The following CPNE8 variants were observed in gnomAD, a reference collection of about 807,000 sequenced individuals.
The protein encoded by CPNE8 is copine 8, also known as copine-8.
CPNE8 carries 45 observed loss-of-function variants against 81.5 expected under a neutral mutation model. The observed-to-expected ratio is 0.55, with a 90% CI of 0.44 to 0.71. The LOEUF is 0.71. Among genes scored for constraint, CPNE8 ranks in the 30% least tolerant of loss-of-function variants. The pLI, the probability that CPNE8 is intolerant of heterozygous loss-of-function variation, is 0.00. For missense variants in CPNE8, 594 were observed against 672.1 expected, an observed-to-expected ratio of 0.88 and a Z score of 1.28; for synonymous variants, 252 against 226.3, an observed-to-expected ratio of 1.11 and a Z score of -1.02.
chr12:38,666,588 A>G (rs1156300717), intron 19 of CPNE8, among the ~76,000 whole-genome samples: 1 of 152,174 alleles, frequency 6.6e-6, no homozygotes, highest in East Asian at 1.9e-4. Context: ...GAGGAAGAGT[A>G]TTCCAGGTAA....
At chr12:38,720,246 G>C (rs1940525422) in intron 13 of CPNE8, among the ~76,000 whole-genome samples, 1 of 152,194 alleles carries the variant, frequency 6.6e-6, no homozygotes, top group Non-Finnish European at 1.5e-5. Flanking sequence ...GTAAGCAACA[G>C]AAAAATATGA....
Position 38,654,077 on chromosome 12 carries a change from CAG to C in CPNE8, c.1507-9_1507-8del. The C allele has an allele frequency of 6.3e-7, 1 of 1,578,836 alleles. No homozygotes were observed. The highest frequency in any genetic ancestry group is 8.6e-7 in the Non-Finnish European group (1 of 1,162,554). ...AATCCCTGAATGGCACAAACTAAAA[CAG>C]AGACGAAAGAAAGTTATTTCACAGA... is the stretch of plus-strand genomic sequence containing the variant. On this transcript the variant is annotated splice_polypyrimidine_tract_variant and splice_region_variant and intron_variant, in intron 19 of 19. Coordinates refer to ENST00000331366, the MANE Select transcript of CPNE8 (RefSeq NM_153634.3).
At chr12:38,777,684 T>C (rs568654046) in intron 6 of CPNE8, among the ~76,000 whole-genome samples, 2 of 152,330 alleles carry the variant, frequency 1.3e-5, no homozygotes, top group South Asian at 4.1e-4. Context: ...ATGTTACAAT[T>C]ACCTGTTCAG....
At chr12:38,727,464 T>G (rs1940730356) in intron 11 of CPNE8, among the ~76,000 whole-genome samples, 1 of 152,180 alleles carries the variant, frequency 6.6e-6, no homozygotes, top group South Asian at 2.1e-4. Flanking sequence ...TATTTACAAT[T>G]AACATGTGTC....
At chr12:38,894,210 G>C (rs1944353565) in intron 1 of CPNE8, among the ~76,000 whole-genome samples, 1 of 152,124 alleles carries the variant, frequency 6.6e-6, no homozygotes. Flanking sequence ...AAGGAAGCAA[G>C]ATGCCATATA....
At chr12:38,864,124 C>A (rs553659272) in intron 3 of CPNE8, among the ~76,000 whole-genome samples, 2 of 151,400 alleles carry the variant, frequency 1.3e-5, no homozygotes, top group South Asian at 4.2e-4. Flanking sequence ...ATACAGGAGG[C>A]CCCTGTCAGT....
rs1941588905 is a variant in CPNE8 at position 38,762,254 on chromosome 12, A to C, written c.576-38T>G. ...AGTTTTCAGTTATTTGCATGCTTTG[A>C]CTATTTTAATTGATCTATTGTTTTA... On this transcript the variant is annotated intron_variant, in intron 8 of 19. Transcript: ENST00000331366. 3 of 1,235,306 alleles carry C rather than the reference A, an allele frequency of 2.4e-6. No individual in the cohort carries two copies. The African/African-American group carries it at 4.5e-5, about 19-fold the overall frequency. 76.5% of individuals were successfully genotyped at this position (1,235,306 alleles called of 1,614,324 possible). A position where few individuals can be genotyped will look rare whatever the true frequency, so the allele number is the denominator to read the frequency against.
intron 1 of CPNE8, among the ~76,000 whole-genome samples, chr12:38,892,970 T>C (rs1944335693): frequency 6.6e-6 from 1 of 151,920 alleles, no homozygotes; most frequent in South Asian, 2.1e-4. Context: ...AAATAGCAAG[T>C]AGTTGGTGTT....
chr12:38,902,090 A>AT (rs1803714222), intron 1 of CPNE8, among the ~76,000 whole-genome samples: 4 of 151,820 alleles, frequency 2.6e-5, no homozygotes, highest in South Asian at 4.2e-4. Context: ...CAAAATGAAG[A>AT]TAAAAACTTT....
At chr12:38,699,608 T>C (rs943595446) in intron 14 of CPNE8, among the ~76,000 whole-genome samples, 1 of 152,074 alleles carries the variant, frequency 6.6e-6, no homozygotes, top group African/African-American at 2.4e-5. Flanking sequence ...CATTCTTACC[T>C]TTTGGTGGCT....
At chr12:38,706,679 T>C (rs1308386630) in intron 13 of CPNE8, among the ~76,000 whole-genome samples, 1 of 152,210 alleles carries the variant, frequency 6.6e-6, no homozygotes, top group Non-Finnish European at 1.5e-5. Flanking sequence ...AGAAGTCCAG[T>C]CTTTGGTTCA....
At chr12:38,823,822 A>C (rs1943146987) in intron 6 of CPNE8, among the ~76,000 whole-genome samples, 1 of 152,178 alleles carries the variant, frequency 6.6e-6, no homozygotes, top group Non-Finnish European at 1.5e-5. Flanking sequence ...AGATCCCTAA[A>C]GATAGAAGAC....
chr12:38,901,390 C>T (rs1007567472), intron 1 of CPNE8, among the ~76,000 whole-genome samples: 3 of 152,052 alleles, frequency 2.0e-5, no homozygotes, highest in Non-Finnish European at 4.4e-5. Context: ...TGAAATAGTG[C>T]AACAAAATCA....
At chr12:38,718,357 C>T (rs142297184) in intron 13 of CPNE8, among the ~76,000 whole-genome samples, 1,969 of 152,178 alleles carry the variant, frequency 0.013, 29 homozygotes, top group South Asian at 0.041. Context: ...ATACACAATC[C>T]TTTATGGTGG....
upstream of CPNE8, chr12:38,905,670 G>T: frequency 6.8e-7 from 1 of 1,475,776 alleles, no homozygotes; most frequent in African/African-American, 1.4e-5. Context: ...GCGCGGGATG[G>T]GGGAGGGAAG....
chr12:38,779,919 T>C (rs185900731), intron 6 of CPNE8, among the ~76,000 whole-genome samples: 144 of 152,192 alleles, frequency 9.5e-4, no homozygotes, highest in African/African-American at 3.3e-3. Flanking sequence ...CAAAGGATTA[T>C]AAAAAATAAG....
chr12:38,764,616 C>CAAAAAAAA (rs1247038606), intron 8 of CPNE8, among the ~76,000 whole-genome samples: 12 of 44,986 alleles, frequency 2.7e-4, no homozygotes, highest in Admixed American at 4.7e-4. Context: ...GACTCCGTCT[C>CAAAAAAAA]AAAAAAAAAA....
chr12:38,802,570 T>C (rs202064410), intron 6 of CPNE8, among the ~76,000 whole-genome samples: 9,941 of 123,732 alleles, frequency 0.08, 561 homozygotes, highest in East Asian at 0.29. Flanking sequence ...AGATCCAAAA[T>C]TGACACCCTA....
rs570946027 is a variant in CPNE8 at position 38,745,243 on chromosome 12, T to C, written c.723-14885A>G. On this transcript the variant is annotated intron_variant, in intron 10 of 19. Coordinates refer to ENST00000331366, the MANE Select transcript of CPNE8 (RefSeq NM_153634.3). ...ACAATATCCATCCTTTTTTGATTCC[T>C]ACACTCCTTTCAGATAAATCACATA... Among the ~76,000 whole-genome samples, 502 of 152,342 alleles carry C rather than the reference T, an allele frequency of 3.3e-3. 2 individuals are homozygous for C. Among genetic ancestry groups the C allele is most frequent in the African/African-American group, 0.012 (481 of 41,580 alleles).
Sources: gnomAD v4.1 joint callset for allele counts (sites outside exome capture counted in the v4.1 genomes callset) on GRCh38, gnomAD v4.1.1 for gene constraint, MANE v1.5 for transcripts, NCBI Gene and HGNC (gene_info 2026-07-23, HGNC 2026-07-21) for gene names.